COL13A1: variants seen among roughly 807,000 people sequenced by gnomAD.
COL13A1 encodes collagen type XIII alpha 1 chain.
A neutral mutation model predicts 130.9 loss-of-function variants in COL13A1; 89 were observed. The ratio of observed to expected loss-of-function variants is 0.68; its 90% CI spans 0.57 to 0.81. The LOEUF is 0.81. Ranked by LOEUF, COL13A1 falls within the 30% of genes least tolerant of loss-of-function variation. COL13A1 has a pLI of 0.00. For missense variants in COL13A1, 879 were observed against 934.6 expected, an observed-to-expected ratio of 0.94 and a Z score of 0.78; for synonymous variants, 402 against 341.6, an observed-to-expected ratio of 1.18 and a Z score of -1.95.
At chr10:69,859,539 C>A (rs1344625602) in intron 2 of COL13A1, among the ~76,000 whole-genome samples, 1 of 152,258 alleles carries the variant, frequency 6.6e-6, no homozygotes, top group Non-Finnish European at 1.5e-5. Flanking sequence ...GGGCCTTGCA[C>A]AGGAACACTG....
chr10:69,946,317 C>T (rs965755489), intron 37 of COL13A1, among the ~76,000 whole-genome samples: 3 of 152,174 alleles, frequency 2.0e-5, no homozygotes, highest in Admixed American at 6.5e-5. Context: ...GCAATGTGTG[C>T]GCCATGGCCC....
intron 1 of COL13A1, among the ~76,000 whole-genome samples, chr10:69,817,629 G>C (rs963139088): frequency 6.6e-6 from 1 of 152,080 alleles, no homozygotes; most frequent in Non-Finnish European, 1.5e-5. Flanking sequence ...AGGAGGAGAC[G>C]TTGGATCTAG....
chr10:69,927,098 G>T lies in COL13A1; in HGVS notation c.1410G>T (p.Thr470=). ...NINEALQEIR[T]LALMGPPGLP... ...TGTTGGTTTTTTAGGAGATCCGGAC[G>T]CTGGCCTTGATGGTAAGTTTTGCTC... The change falls in exon 27 of 41, where the codon ACG becomes ACT. Residue 470 remains threonine (T), a synonymous_variant. Coordinates refer to ENST00000645393, the MANE Select transcript of COL13A1 (RefSeq NM_001368882.1). 3 of 1,613,884 alleles carry T rather than the reference G, an allele frequency of 1.9e-6. No homozygotes were observed. Among genetic ancestry groups the T allele is most frequent in the Non-Finnish European group, 2.5e-6 (3 of 1,179,830 alleles).
chr10:69,862,691 GGGGGCCCAT>G (rs1480441788), intron 2 of COL13A1, among the ~76,000 whole-genome samples: 12 of 152,198 alleles, frequency 7.9e-5, no homozygotes, highest in Admixed American at 3.3e-4. Context: ...TTCAAGCTTC[GGGGGCCCAT>G]GGTCCCGGGA....
chr10:69,828,128 G>T (rs1847943645), intron 2 of COL13A1, among the ~76,000 whole-genome samples: 1 of 152,120 alleles, frequency 6.6e-6, no homozygotes. Flanking sequence ...GGTCATTCTT[G>T]CTATTTCTTA....
At chr10:69,888,534 G>T (rs953861938) in intron 9 of COL13A1, among the ~76,000 whole-genome samples, 1 of 152,226 alleles carries the variant, frequency 6.6e-6, no homozygotes, top group Admixed American at 6.5e-5. Flanking sequence ...GTCCCCAGCT[G>T]CTGAGCTTGG....
chr10:69,803,109 A>G (rs1027734598), intron 1 of COL13A1, among the ~76,000 whole-genome samples: 1 of 152,200 alleles, frequency 6.6e-6, no homozygotes. Context: ...GCGCGCCCAG[A>G]GGCCCAGGCC....
At chr10:69,936,949 T>C (rs1212413870) in intron 33 of COL13A1, among the ~76,000 whole-genome samples, 167 bp downstream of exon 33, 1 of 152,216 alleles carries the variant, frequency 6.6e-6, no homozygotes, top group African/African-American at 2.4e-5. Context: ...GCATCCATCA[T>C]TGACACCTGG....
At chr10:69,950,847 T>G (rs2069421274) in intron 38 of COL13A1, among the ~76,000 whole-genome samples, 2 of 151,478 alleles carry the variant, frequency 1.3e-5, no homozygotes, top group South Asian at 4.2e-4. Flanking sequence ...AAATATTATT[T>G]TGTTTGTTTG....
Position 69,935,402 on chromosome 10 carries a change from AG to A in COL13A1, c.1770+14del. ...CCTCCCGGACCTCCGGTAAGTTTGG[AG>A]GGCTTGTCAGTGGCCAGTCCACTAA... On this transcript the variant is annotated intron_variant, in intron 32 of 40. Transcript: ENST00000645393. 3 of 1,548,106 alleles carry A rather than the reference AG, an allele frequency of 1.9e-6. No individual in the cohort carries two copies. Among genetic ancestry groups the A allele is most frequent in the African/African-American group, 1.4e-5 (1 of 73,216 alleles).
At chr10:69,904,308 A>G (rs376250950) in intron 15 of COL13A1, among the ~76,000 whole-genome samples, 22 of 152,212 alleles carry the variant, frequency 1.4e-4, no homozygotes, top group African/African-American at 5.3e-4. Flanking sequence ...AACGACAACC[A>G]AAAAAAGAAA....
chr10:69,933,562 C>A (rs151066660), intron 31 of COL13A1, among the ~76,000 whole-genome samples: 50 of 152,260 alleles, frequency 3.3e-4, no homozygotes, highest in Non-Finnish European at 6.6e-4. Flanking sequence ...GGAGAGACCA[C>A]CAAGCCTTCT....
At chr10:69,869,288 C>G (rs1399077932) in intron 3 of COL13A1, among the ~76,000 whole-genome samples, 2 of 152,200 alleles carry the variant, frequency 1.3e-5, no homozygotes, top group Non-Finnish European at 2.9e-5. Context: ...GGTAGCTTTC[C>G]CCACATTCTG....
At chr10:69,915,587 G>A (rs905691043) in intron 17 of COL13A1, among the ~76,000 whole-genome samples, 3 of 152,298 alleles carry the variant, frequency 2.0e-5, no homozygotes, top group African/African-American at 7.2e-5. Flanking sequence ...AGTTATAGGG[G>A]ATAGCAAAAA....
chr10:69,821,426 G>C (rs1846047599), intron 1 of COL13A1, among the ~76,000 whole-genome samples: 1 of 152,224 alleles, frequency 6.6e-6, no homozygotes, highest in African/African-American at 2.4e-5. Flanking sequence ...TGTGCTTCAA[G>C]TCCCTTACCT....
chr10:69,957,161 G>C, intron 40 of COL13A1, 119 bp downstream of exon 40: 3 of 837,056 alleles, frequency 3.6e-6, no homozygotes, highest in South Asian at 1.5e-5. Flanking sequence ...AATAGTCACT[G>C]TCTCAAAGGC....
intron 22 of COL13A1, 83 bp from the exon 23 acceptor site, chr10:69,922,625 G>C (rs1386975935): frequency 8.5e-6 from 8 of 943,868 alleles, no homozygotes; most frequent in Non-Finnish European, 1.1e-5. Flanking sequence ...ACATCCTGGG[G>C]CCCACACCCC....
At chr10:69,893,670 G>A (rs1487572780) in intron 10 of COL13A1, among the ~76,000 whole-genome samples, 1 of 152,254 alleles carries the variant, frequency 6.6e-6, no homozygotes, top group Non-Finnish European at 1.5e-5. Context: ...CCAGTTCTGA[G>A]CATTTGGCAG....
At chr10:69,889,277 C>A in intron 9 of COL13A1, 137 bp from the exon 10 acceptor site, 1 of 1,102,004 alleles carries the variant, frequency 9.1e-7, no homozygotes. Context: ...CCAGAAGGTG[C>A]AGATGGAGCA....
Sources: allele counts gnomAD v4.1 joint callset (sites outside exome capture counted in the v4.1 genomes callset), GRCh38; gene constraint gnomAD v4.1.1; transcripts MANE v1.5; gene names NCBI Gene and HGNC (gene_info 2026-07-23, HGNC 2026-07-21).